Variants in ARID5B observed in about 807,000 individuals in gnomAD.
ARID5B encodes AT-rich interaction domain 5B, also known as AT-rich interactive domain-containing protein 5B.
Under a neutral mutation model 97.2 loss-of-function variants are expected in ARID5B, and 13 were observed. That is an observed-to-expected ratio of 0.13 (90% CI 0.09 to 0.21). The LOEUF (loss-of-function observed/expected upper bound fraction) is 0.21, where lower values mean the gene tolerates loss of function less well. Among genes scored for constraint, ARID5B ranks in the 10% least tolerant of loss-of-function variants. The pLI is 1.00. For missense variants in ARID5B, 1,210 were observed against 1,465.3 expected (o/e 0.83, Z 2.84); for synonymous variants, 556 against 570.3 (o/e 0.97, Z 0.36).
chr10:61,972,211 A>C (rs1318598700), intron 3 of ARID5B, among the ~76,000 whole-genome samples: 1 of 144,782 alleles, frequency 6.9e-6, no homozygotes, highest in African/African-American at 2.5e-5. Context: ...CTGTATCTCT[A>C]GTCTTATATC....
chr10:61,912,760 A>AT lies in ARID5B; in HGVS notation c.276+10347_276+10348insT, dbSNP rs1207736793. ...CTGTATACATTACACATATATACAT[A>AT]CTTTTTTTTTAACCCTTCCAAGGGA... On this transcript the variant is annotated intron_variant, in intron 2 of 9. Transcript: ENST00000279873. Among the ~76,000 whole-genome samples, 3 of 125,638 alleles carry AT rather than the reference A, an allele frequency of 2.4e-5. No homozygotes were observed. In the Admixed American group the frequency reaches 2.4e-4, roughly 10 times the overall value. 82.4% of individuals were successfully genotyped at this position (125,638 alleles called of 152,430 possible). A position where few individuals can be genotyped will look rare whatever the true frequency, so the allele number is the denominator to read the frequency against.
chr10:62,036,144 G>C (rs1413752050), intron 4 of ARID5B, among the ~76,000 whole-genome samples: 1 of 152,162 alleles, frequency 6.6e-6, no homozygotes, highest in Non-Finnish European at 1.5e-5. Flanking sequence ...TTTAAGCGAG[G>C]AGTTAGGGCA....
intron 3 of ARID5B, among the ~76,000 whole-genome samples, chr10:61,961,934 A>G (rs1295228061): frequency 6.6e-6 from 1 of 152,162 alleles, no homozygotes; most frequent in Admixed American, 6.5e-5. Context: ...TTTTTAGTAG[A>G]AACAGGGTTT....
Position 62,008,303 on chromosome 10 carries a change from A to G in ARID5B, c.733+7982A>G, listed in dbSNP as rs183250101. Among the ~76,000 whole-genome samples, 7 of 152,284 alleles carry G rather than the reference A, an allele frequency of 4.6e-5. No individual in the cohort carries two copies. In the East Asian group the frequency reaches 1.4e-3, roughly 29 times the overall value. On this transcript the variant is annotated intron_variant, in intron 4 of 9. Transcript: ENST00000279873. Reference sequence around the variant, plus strand: ...GGACACTGAAGCACAGCAACATTTCATGGCCAGCAATTGGCAAAATCAGCA... The same window carrying G: ...GGACACTGAAGCACAGCAACATTTCGTGGCCAGCAATTGGCAAAATCAGCA...
intron 8 of ARID5B, 36 bp downstream of exon 8, chr10:62,069,833 G>A (rs1840039429): frequency 6.3e-7 from 1 of 1,598,526 alleles, no homozygotes; most frequent in African/African-American, 1.3e-5. Context: ...TTAGTTAAAA[G>A]TGTGTTAATT....
At chr10:61,938,287 A>G (rs762235253) in intron 2 of ARID5B, among the ~76,000 whole-genome samples, 12 of 152,238 alleles carry the variant, frequency 7.9e-5, no homozygotes, top group African/African-American at 1.4e-4. Flanking sequence ...AATTGAAATG[A>G]TAATCATTTG....
chr10:61,941,175 T>C (rs1251574612), intron 3 of ARID5B, among the ~76,000 whole-genome samples: 1 of 150,152 alleles, frequency 6.7e-6, no homozygotes, highest in Non-Finnish European at 1.5e-5. Context: ...ACAGGGTTAT[T>C]GTGAGATGTG....
intron 7 of ARID5B, among the ~76,000 whole-genome samples, chr10:62,069,274 C>T (rs1034992467): frequency 2.6e-5 from 4 of 152,192 alleles, no homozygotes; most frequent in South Asian, 2.1e-4. Flanking sequence ...CCTCTATACC[C>T]GGTTCCCCAT....
chr10:61,985,360 T>C (rs1838833032), intron 3 of ARID5B, among the ~76,000 whole-genome samples: 1 of 151,982 alleles, frequency 6.6e-6, no homozygotes, highest in Non-Finnish European at 1.5e-5. Context: ...GGATGGTGGC[T>C]TTTGGTCTTT....
chr10:61,991,041 TACACAC>T (rs397802272), intron 3 of ARID5B, among the ~76,000 whole-genome samples: 15 of 145,062 alleles, frequency 1.0e-4, no homozygotes, highest in African/African-American at 1.3e-4. Context: ...ATTTATCCTG[TACACAC>T]ACACACACAC....
chr10:62,093,701 T>G lies in ARID5B; in HGVS notation c.*671T>G, dbSNP rs1044115313. 9 of 228,118 alleles carry G rather than the reference T, an allele frequency of 3.9e-5. No individual in the cohort carries two copies. Among genetic ancestry groups the G allele is most frequent in the African/African-American group, 1.4e-4 (6 of 44,022 alleles). 14.1% of individuals were successfully genotyped at this position (228,118 alleles called of 1,614,324 possible). On this transcript the variant is annotated 3_prime_UTR_variant, in exon 10 of 10. Coordinates refer to ENST00000279873, the MANE Select transcript of ARID5B (RefSeq NM_032199.3). The stretch of plus-strand genomic sequence containing the variant: ...TTTATTAAATGGTATTGCTTTTGTT[T>G]GCAGGTCTTTTTGTTTTTGTTTTGT...
intron 3 of ARID5B, among the ~76,000 whole-genome samples, chr10:61,970,500 T>C (rs971143920): frequency 1.6e-4 from 25 of 152,246 alleles, no homozygotes; most frequent in Admixed American, 1.6e-3. Context: ...ATTGTGTCTG[T>C]TTCAGATGTA....
At position 62,093,078 on chromosome 10, in the gene ARID5B, A is replaced by G; in HGVS notation, c.*48A>G. ...AAAGCGGCATGGCCAACAGAGCTTCACTCCTTACCCAGGAGTGCTGGCTTA... is the reference window on the plus strand; with the variant it reads ...AAAGCGGCATGGCCAACAGAGCTTCGCTCCTTACCCAGGAGTGCTGGCTTA... On this transcript the variant is annotated 3_prime_UTR_variant, in exon 10 of 10. Transcript: ENST00000279873. 1 of 1,551,386 alleles carries G rather than the reference A, an allele frequency of 6.4e-7. No homozygotes were observed. The highest frequency in any genetic ancestry group is 1.4e-5 in the African/African-American group (1 of 73,292).
In ARID5B at chr10:62,000,317, G is replaced by A. The variant is rs1264717466; in HGVS notation, c.729G>A (p.Glu243=). 5 of 1,586,346 alleles carry A rather than the reference G, an allele frequency of 3.2e-6. No individual in the cohort carries two copies. The highest frequency in any genetic ancestry group is 4.3e-6 in the Non-Finnish European group (5 of 1,165,178). ...TLIENESICD[E]FAPNLKGRPR... is the part of the protein sequence containing the mutation. ...TAGAAAACGAGAGTATATGCGATGAGTTTGGTGAGTCTTTTTTTTTTTTTC... is the reference window on the plus strand; with the variant it reads ...TAGAAAACGAGAGTATATGCGATGAATTTGGTGAGTCTTTTTTTTTTTTTC... Residue 243 remains glutamate, a synonymous_variant, in exon 4 of 10, where the codon GAG becomes GAA. Coordinates refer to ENST00000279873, the MANE Select transcript of ARID5B (RefSeq NM_032199.3). This position sits in a 1 kb window ranked among gnomAD's most constrained non-coding sequence, Gnocchi z 4.4.
In ARID5B at chr10:62,093,445, C is replaced by G. The variant is rs1840416532; in HGVS notation, c.*415C>G. On this transcript the variant is annotated 3_prime_UTR_variant, in exon 10 of 10. Coordinates refer to ENST00000279873, the MANE Select transcript of ARID5B (RefSeq NM_032199.3). ...CAAACAGATGGCAAGGGATGCCCCTCTTTTTCATAAAACTCTCCAAGGTTC... is the reference window on the plus strand; with the variant it reads ...CAAACAGATGGCAAGGGATGCCCCTGTTTTTCATAAAACTCTCCAAGGTTC... 1 of 253,376 alleles carries G rather than the reference C, an allele frequency of 3.9e-6. No individual in the cohort carries two copies. The highest frequency in any genetic ancestry group is 5.1e-5 in the Admixed American group (1 of 19,668). 15.7% of individuals were successfully genotyped at this position (253,376 alleles called of 1,614,324 possible).
intron 8 of ARID5B, among the ~76,000 whole-genome samples, chr10:62,077,377 A>G (rs991027850): frequency 2.6e-5 from 4 of 152,204 alleles, no homozygotes; most frequent in African/African-American, 9.6e-5. Context: ...AAAAATCTCT[A>G]TTTAAAAATT....
At chr10:62,083,872 T>TGA (rs1840248289) in intron 8 of ARID5B, among the ~76,000 whole-genome samples, 1 of 152,190 alleles carries the variant, frequency 6.6e-6, no homozygotes, top group Non-Finnish European at 1.5e-5. Flanking sequence ...GTTGGGGACT[T>TGA]TACAGATGAG....
chr10:61,930,517 G>A (rs938963112), intron 2 of ARID5B, among the ~76,000 whole-genome samples: 1 of 151,818 alleles, frequency 6.6e-6, no homozygotes, highest in South Asian at 2.1e-4. Flanking sequence ...TCAGGAGATC[G>A]AGACCATCCT....
intron 8 of ARID5B, among the ~76,000 whole-genome samples, chr10:62,074,727 C>T (rs776856733): frequency 1.3e-5 from 2 of 152,130 alleles, no homozygotes; most frequent in Non-Finnish European, 2.9e-5. Flanking sequence ...AGTCACAGGC[C>T]ACATCTCAGA....
Sources: gnomAD v4.1 joint callset for allele counts (sites outside exome capture counted in the v4.1 genomes callset) on GRCh38, gnomAD v4.1.1 for gene constraint, Gnocchi (gnomAD v3.1) non-coding constraint, MANE v1.5 for transcripts, NCBI Gene and HGNC (gene_info 2026-07-23, HGNC 2026-07-21) for gene names.